The following PDCD10 variants were observed in gnomAD, a reference collection of about 807,000 sequenced individuals.
The protein encoded by PDCD10 is programmed cell death protein 10.
PDCD10 carries 4 observed loss-of-function variants against 29.2 expected under a neutral mutation model. The ratio of observed to expected loss-of-function variants is 0.14; its 90% CI spans 0.07 to 0.31. The LOEUF (loss-of-function observed/expected upper bound fraction) is 0.31. PDCD10 is among the 10% of genes least tolerant of loss of function. PDCD10 has a pLI of 1.00. For synonymous variants in PDCD10, 70 were observed against 82.2 expected, an observed-to-expected ratio of 0.85 and a Z score of 0.80; for missense variants, 183 against 257.9, an observed-to-expected ratio of 0.71 and a Z score of 1.99.
intron 3 of PDCD10, among the ~76,000 whole-genome samples, chr3:167,715,628 GACAT>G (rs2108470316): frequency 6.6e-6 from 1 of 152,070 alleles, no homozygotes; most frequent in Admixed American, 6.5e-5. Flanking sequence ...CTCAAAAGAA[GACAT>G]ACAAATGACA....
chr3:167,715,287 ACT>A (rs1722897155), intron 3 of PDCD10, among the ~76,000 whole-genome samples: 1 of 151,886 alleles, frequency 6.6e-6, no homozygotes, highest in South Asian at 2.1e-4. Context: ...AAGATTTAAA[ACT>A]CAATCATCAA....
At chr3:167,694,455 T>A (rs1271301603) in intron 6 of PDCD10, 1 of 155,942 alleles carries the variant, frequency 6.4e-6, no homozygotes, top group East Asian at 1.9e-4. Context: ...TTTGGCTTGT[T>A]TTCACTTTCC....
Position 167,687,778 on chromosome 3 carries a change from T to G in PDCD10, c.396-85A>C, listed in dbSNP as rs528548367. 5.7e-5 allele frequency: 43 copies of G among 751,480 alleles called. No individual in the cohort carries two copies. In the East Asian group the frequency reaches 1.0e-3, roughly 18 times the overall value. 46.6% of individuals were successfully genotyped at this position (751,480 alleles called of 1,614,324 possible). ...AACATCAGCTACATTTGAAAGAAAT[T>G]AAGTACACTCTTAATCTAATCACAG... On this transcript the variant is annotated intron_variant, in intron 6 of 8. Coordinates refer to ENST00000392750, the MANE Select transcript of PDCD10 (RefSeq NM_007217.4).
intron 2 of PDCD10, among the ~76,000 whole-genome samples, chr3:167,726,518 T>C (rs1448774267): frequency 3.3e-5 from 5 of 152,186 alleles, no homozygotes; most frequent in Admixed American, 6.5e-5. Flanking sequence ...AAACCTCAGT[T>C]TGAATTTTTG....
intron 6 of PDCD10, among the ~76,000 whole-genome samples, chr3:167,690,689 C>G (rs1253946738): frequency 6.6e-6 from 1 of 152,126 alleles, no homozygotes; most frequent in Non-Finnish European, 1.5e-5. Context: ...CTTATCAACT[C>G]CATTGAGAAA....
At chr3:167,685,448 T>C (rs1203623379) in intron 8 of PDCD10, among the ~76,000 whole-genome samples, 2 of 131,332 alleles carry the variant, frequency 1.5e-5, no homozygotes, top group East Asian at 2.3e-4. Context: ...AATAGCTGAA[T>C]CAATGCAAAT....
intron 4 of PDCD10, among the ~76,000 whole-genome samples, chr3:167,702,031 C>A (rs1721494876): frequency 1.3e-5 from 2 of 152,204 alleles, no homozygotes; most frequent in South Asian, 4.1e-4. Flanking sequence ...CAGAAGAGTT[C>A]TCTTTATTCA....
At chr3:167,695,123 C>T (rs896953203) in intron 6 of PDCD10, among the ~76,000 whole-genome samples, 6 of 152,184 alleles carry the variant, frequency 3.9e-5, no homozygotes, top group African/African-American at 1.2e-4. Context: ...AGCCTTCTGG[C>T]CCCATGAGTA....
At chr3:167,699,050 C>T (rs921028956) in intron 4 of PDCD10, among the ~76,000 whole-genome samples, 1 of 152,134 alleles carries the variant, frequency 6.6e-6, no homozygotes, top group African/African-American at 2.4e-5. Context: ...AAATAATACA[C>T]ATAAATTGAA....
rs552001425 is a variant in PDCD10 at position 167,714,008 on chromosome 3, C to T, written c.96+6054G>A. ...CAATACCAACCCTACTCAAACTATT[C>T]CGAAAAATAGAGGAGGCGGGAATAC... On this transcript the variant is annotated intron_variant, in intron 3 of 8. Coordinates refer to ENST00000392750, the MANE Select transcript of PDCD10 (RefSeq NM_007217.4). Among the ~76,000 whole-genome samples the T allele has an allele frequency of 2.5e-3, 383 of 152,078 alleles. 1 individual carries two copies. Among genetic ancestry groups the T allele is most frequent in the African/African-American group, 8.9e-3 (369 of 41,526 alleles).
intron 3 of PDCD10, among the ~76,000 whole-genome samples, chr3:167,708,097 ACTTACT>A (rs1284106484): frequency 1.3e-5 from 2 of 152,130 alleles, no homozygotes; most frequent in African/African-American, 4.8e-5. Context: ...GAACACTTAC[ACTTACT>A]ATCAACCACA....
chr3:167,733,811 C>T (rs879365936), intron 2 of PDCD10, among the ~76,000 whole-genome samples: 3 of 152,128 alleles, frequency 2.0e-5, no homozygotes. Flanking sequence ...TTCTCCCATC[C>T]TATTACCTAC....
intron 3 of PDCD10, among the ~76,000 whole-genome samples, chr3:167,706,567 C>T (rs1237325004): frequency 6.6e-6 from 1 of 152,180 alleles, no homozygotes; most frequent in Non-Finnish European, 1.5e-5. Flanking sequence ...TAATGTTGCG[C>T]TACAATGAAC....
chr3:167,733,346 C>CTA, intron 2 of PDCD10, among the ~76,000 whole-genome samples: 1 of 152,264 alleles, frequency 6.6e-6, no homozygotes, highest in South Asian at 2.1e-4. Context: ...TAGTCATGAG[C>CTA]TATAACTGGT....
intron 6 of PDCD10, among the ~76,000 whole-genome samples, chr3:167,688,132 C>T (rs976163084): frequency 6.6e-5 from 10 of 152,200 alleles, no homozygotes; most frequent in Non-Finnish European, 1.3e-4. Context: ...TAATATTCTG[C>T]ATTACATATA....
chr3:167,704,374 C>A (rs973984081), intron 4 of PDCD10, among the ~76,000 whole-genome samples: 1 of 151,898 alleles, frequency 6.6e-6, no homozygotes, highest in Non-Finnish European at 1.5e-5. Flanking sequence ...ATGACAGGCA[C>A]GCACCACCAT....
chr3:167,706,085 C>T (rs916679517), intron 3 of PDCD10, among the ~76,000 whole-genome samples: 1 of 152,156 alleles, frequency 6.6e-6, no homozygotes, highest in Non-Finnish European at 1.5e-5. Flanking sequence ...CTCTGTATAG[C>T]CCTGAATGGT....
At chr3:167,719,803 C>T (rs1198657048) in intron 3 of PDCD10, among the ~76,000 whole-genome samples, 1 of 152,112 alleles carries the variant, frequency 6.6e-6, no homozygotes. Context: ...CATAGTACTT[C>T]ATCACCATTG....
At chr3:167,731,089 CAATTT>C (rs1472876587) in intron 2 of PDCD10, 2 of 152,046 alleles carry the variant, frequency 1.3e-5, no homozygotes, top group African/African-American at 2.4e-5. Flanking sequence ...GAAACTCTAG[CAATTT>C]AATTAAACTT....
Sources: gnomAD v4.1 joint callset for allele counts (sites outside exome capture counted in the v4.1 genomes callset) on GRCh38, gnomAD v4.1.1 for gene constraint, MANE v1.5 for transcripts, NCBI Gene and HGNC (gene_info 2026-07-23, HGNC 2026-07-21) for gene names.